Variants in URB1 observed in about 807,000 individuals in gnomAD.
URB1 encodes nucleolar pre-ribosomal-associated protein 1.
In URB1, 197 loss-of-function variants were observed where a neutral mutation model predicts 242.3. The ratio of observed to expected loss-of-function variants is 0.81; its 90% CI spans 0.72 to 0.91. The LOEUF is 0.91. URB1 is among the 40% of genes least tolerant of loss of function. URB1 has a pLI of 0.00. For synonymous variants in URB1, 1,153 were observed against 1,201.8 expected (o/e 0.96, Z 0.84); for missense variants, 2,721 against 2,860.5 (o/e 0.95, Z 1.11).
intron 25 of URB1, among the ~76,000 whole-genome samples, chr21:32,340,455 T>C (rs901734925): frequency 6.6e-6 from 1 of 151,828 alleles, no homozygotes; most frequent in Non-Finnish European, 1.5e-5. Flanking sequence ...CTACTAAAAA[T>C]ACAAAAAATT....
chr21:32,343,372 A>G (rs2033051785), intron 24 of URB1, among the ~76,000 whole-genome samples: 1 of 152,232 alleles, frequency 6.6e-6, no homozygotes, highest in Admixed American at 6.5e-5. Flanking sequence ...CACATGGATG[A>G]ATCTGGAAAG....
rs1410002797 is a variant in URB1 at position 32,322,472 on chromosome 21, G to A, written c.5340+6C>T. 6.4e-7 allele frequency: 1 copy of A among 1,551,286 alleles called. No homozygotes were observed. Among genetic ancestry groups the A allele is most frequent in the Non-Finnish European group, 8.7e-7 (1 of 1,146,176 alleles). On this transcript the variant is annotated splice_donor_region_variant and intron_variant, in intron 33 of 38. Transcript: ENST00000382751. The stretch of plus-strand genomic sequence containing the variant: ...GCAGAAAGCCGTGAGGACTCTGGAA[G>A]CATACCTCAAAGTCGGAGCTGTAGA...
At chr21:32,381,623 A>G (rs2033528145) in intron 4 of URB1, among the ~76,000 whole-genome samples, 1 of 152,242 alleles carries the variant, frequency 6.6e-6, no homozygotes, top group Non-Finnish European at 1.5e-5. Flanking sequence ...CATTTTTGAG[A>G]CGGAAAAAAC....
chr21:32,382,662 A>G (rs1320044839), intron 4 of URB1, among the ~76,000 whole-genome samples: 1 of 152,028 alleles, frequency 6.6e-6, no homozygotes. Context: ...AGAGGGTGAC[A>G]CTCTGGCCAG....
chr21:32,390,241 C>G (rs1026793086), intron 1 of URB1, among the ~76,000 whole-genome samples: 1 of 152,214 alleles, frequency 6.6e-6, no homozygotes, highest in Non-Finnish European at 1.5e-5. Flanking sequence ...TGTCATGAGG[C>G]TCTCTGTGCA....
chr21:32,348,278 G>T (rs1010971998), intron 21 of URB1, among the ~76,000 whole-genome samples: 9 of 152,212 alleles, frequency 5.9e-5, no homozygotes, highest in African/African-American at 2.2e-4. Context: ...TTGAGGGACA[G>T]GGGTGTCTAC....
At position 32,385,812 on chromosome 21, in the gene URB1, T is replaced by C. The variant is rs528345166; in HGVS notation, c.143-128A>G. 152 of 1,223,562 alleles carry C rather than the reference T, an allele frequency of 1.2e-4. No individual in the cohort carries two copies. In the African/African-American group the frequency reaches 1.9e-3, roughly 15 times the overall value. The allele number at this position is 1,223,562 out of a possible 1,614,324, so 75.8% of individuals were successfully genotyped here. On this transcript the variant is annotated intron_variant, in intron 1 of 38. Transcript: ENST00000382751. ...TCCACCTACACTGCACAGAAGCTAC[T>C]ATGAATGCTATCAACTTAACTGTTT...
intron 19 of URB1, among the ~76,000 whole-genome samples, chr21:32,351,216 C>T (rs1302888166): frequency 6.6e-6 from 1 of 152,158 alleles, no homozygotes; most frequent in Non-Finnish European, 1.5e-5. Context: ...GCAGGAGCCA[C>T]GTGTGACAGA....
intron 1 of URB1, among the ~76,000 whole-genome samples, chr21:32,387,513 T>C (rs750671208): frequency 2.6e-5 from 4 of 151,626 alleles, no homozygotes; most frequent in Non-Finnish European, 4.4e-5. Context: ...TGGCAGTGGG[T>C]TGGAAGCCGC....
rs1020937788 is a variant in URB1, at chr21:32,311,859, T to G, written c.*3059A>C. Reference sequence around the variant, plus strand: ...TGACCAGCCGCTACGACAGGAGAGCTCCTCCACCTTGCCCCTCGGGGGTTT... The same window carrying G: ...TGACCAGCCGCTACGACAGGAGAGCGCCTCCACCTTGCCCCTCGGGGGTTT... On this transcript the variant is annotated 3_prime_UTR_variant, in exon 39 of 39. Coordinates refer to ENST00000382751, the MANE Select transcript of URB1 (RefSeq NM_014825.3). The G allele has an allele frequency of 5.0e-6, 8 of 1,614,026 alleles. No homozygotes were observed. Among genetic ancestry groups the G allele is most frequent in the Non-Finnish European group, 6.8e-6 (8 of 1,180,022 alleles).
intron 35 of URB1, among the ~76,000 whole-genome samples, chr21:32,319,887 C>T (rs142069056): frequency 1.3e-3 from 194 of 152,280 alleles, no homozygotes; most frequent in African/African-American, 4.5e-3. Flanking sequence ...AAAAAATGCA[C>T]AAAAGGGCCT....
At chr21:32,328,461 G>A (rs184335520) in intron 30 of URB1, among the ~76,000 whole-genome samples, 71 of 152,218 alleles carry the variant, frequency 4.7e-4, no homozygotes, top group African/African-American at 1.7e-3. Context: ...TCTCACAAGT[G>A]ACTGTTTTTG....
At chr21:32,357,495 C>T in intron 15 of URB1, 42 bp downstream of exon 15, 2 of 1,455,892 alleles carry the variant, frequency 1.4e-6, no homozygotes, top group Middle Eastern at 3.6e-4. Flanking sequence ...AAGATCTATA[C>T]AAAATGCTTT....
Position 32,314,837 on chromosome 21 carries a change from C to T in URB1, c.*81G>A, listed in dbSNP as rs533092201. On this transcript the variant is annotated 3_prime_UTR_variant, in exon 39 of 39. Transcript: ENST00000382751. ...GTTTCCCATGCCTTCTCTGGAAACC[C>T]TTGACTCAACCAAACTTCTAGAAGC... is the stretch of plus-strand genomic sequence containing the variant. 54 of 1,510,912 alleles carry T rather than the reference C, an allele frequency of 3.6e-5. No individual in the cohort carries two copies. The African/African-American group carries it at 7.4e-4, about 21-fold the overall frequency. 93.6% of individuals were successfully genotyped at this position (1,510,912 alleles called of 1,614,324 possible). A position where few individuals can be genotyped will look rare whatever the true frequency, so the allele number is the denominator to read the frequency against.
At chr21:32,333,560 GA>G in intron 29 of URB1, 141 bp from the exon 30 acceptor site, 1 of 657,844 alleles carries the variant, frequency 1.5e-6, no homozygotes, top group South Asian at 2.0e-5. Flanking sequence ...ATATCTTGGG[GA>G]TGGGAGCCAA....
At chr21:32,327,680 GT>G (rs1718327863) in intron 30 of URB1, among the ~76,000 whole-genome samples, 1 of 152,152 alleles carries the variant, frequency 6.6e-6, no homozygotes, top group African/African-American at 2.4e-5. Context: ...ATATTGTAGG[GT>G]TTATAGCATA....
chr21:32,311,286 T>G lies in URB1; in HGVS notation c.*3632A>C, dbSNP rs2032561560. The stretch of plus-strand genomic sequence containing the variant: ...ACGTGGGGATTATTACAATTCAAGG[T>G]GAGATTTGTGTCGTGACGCAGCCAA... On this transcript the variant is annotated 3_prime_UTR_variant, in exon 39 of 39. Coordinates refer to ENST00000382751, the MANE Select transcript of URB1 (RefSeq NM_014825.3). The G allele has an allele frequency of 5.1e-6, 1 of 194,416 alleles. No individual in the cohort carries two copies. The highest frequency in any genetic ancestry group is 1.1e-5 in the Non-Finnish European group (1 of 94,664). 12.0% of individuals were successfully genotyped at this position (194,416 alleles called of 1,614,324 possible). A position where few individuals can be genotyped will look rare whatever the true frequency, so the allele number is the denominator to read the frequency against.
chr21:32,383,903 C>T (rs1057284094), intron 3 of URB1, among the ~76,000 whole-genome samples: 1 of 152,152 alleles, frequency 6.6e-6, no homozygotes. Flanking sequence ...TCTCTGAATG[C>T]GAGCTCTTGG....
chr21:32,369,178 T>C (rs1256428881), intron 8 of URB1, among the ~76,000 whole-genome samples: 1 of 152,090 alleles, frequency 6.6e-6, no homozygotes, highest in Admixed American at 6.5e-5. Flanking sequence ...TTGGTCAACA[T>C]AGTGAAACCC....
Sources: gnomAD v4.1 joint callset for allele counts (sites outside exome capture counted in the v4.1 genomes callset) on GRCh38, gnomAD v4.1.1 for gene constraint, MANE v1.5 for transcripts, NCBI Gene and HGNC (gene_info 2026-07-23, HGNC 2026-07-21) for gene names.